The following LHFPL6 variants were observed in gnomAD, a reference collection of about 807,000 sequenced individuals.
LHFPL6 encodes LHFPL tetraspan subfamily member 6, also known as LHFPL tetraspan subfamily member 6 protein.
Under a neutral mutation model 20.6 loss-of-function variants are expected in LHFPL6, and 9 were observed. The observed-to-expected ratio is 0.44, with a 90% confidence interval of 0.26 to 0.76. The LOEUF (loss-of-function observed/expected upper bound fraction) is 0.76, where lower values mean the gene tolerates loss of function less well. Among genes scored for constraint, LHFPL6 ranks in the 30% least tolerant of loss-of-function variants. LHFPL6 has a pLI of 0.20. For synonymous variants in LHFPL6, 105 were observed against 98.7 expected (o/e 1.06, Z -0.38); for missense variants, 218 against 253.5 (o/e 0.86, Z 0.95).
Position 39,519,217 on chromosome 13 carries a change from C to A in LHFPL6, c.385+81615G>T, listed in dbSNP as rs1339858300. On this transcript the variant is annotated intron_variant, in intron 2 of 3. Transcript: ENST00000379589. The stretch of plus-strand genomic sequence containing the variant: ...GGCCACTGCACTCCAGCCTGGGTGA[C>A]AAGAGCAAAACTCTGTCTCAAAAAA... Among the ~76,000 whole-genome samples, 3 of 148,662 alleles carry A rather than the reference C, an allele frequency of 2.0e-5. No homozygotes were observed. The East Asian group carries it at 5.9e-4, about 29-fold the overall frequency.
chr13:39,518,733 A>T (rs930961073), intron 2 of LHFPL6, among the ~76,000 whole-genome samples: 3 of 152,124 alleles, frequency 2.0e-5, no homozygotes, highest in Non-Finnish European at 4.4e-5. Context: ...CTTCTGAAAA[A>T]TGCAGACACT....
chr13:39,413,213 G>GA (rs1871273508), intron 2 of LHFPL6, among the ~76,000 whole-genome samples: 1 of 152,076 alleles, frequency 6.6e-6, no homozygotes, highest in African/African-American at 2.4e-5. Context: ...TTTAACGAAG[G>GA]AAAAATAGCA....
intron 2 of LHFPL6, among the ~76,000 whole-genome samples, chr13:39,410,654 C>T (rs73173499): frequency 0.09 from 13,674 of 152,238 alleles, 816 homozygotes; most frequent in South Asian, 0.22. Flanking sequence ...AGATATTTCT[C>T]ATGTTCTGGA....
rs1316182293 is a variant in LHFPL6, at chr13:39,422,052, G to C, written c.386-43526C>G. ...ATTACTAATGATTAAGTCTTCAGGA[G>C]ATGATCATATCTCATGCCCTTTTTA... is the stretch of plus-strand genomic sequence containing the variant. On this transcript the variant is annotated intron_variant, in intron 2 of 3. Transcript: ENST00000379589. Among the ~76,000 whole-genome samples, 3 of 152,164 alleles carry C rather than the reference G, an allele frequency of 2.0e-5. 1 individual carries two copies. The highest frequency in any genetic ancestry group is 4.4e-5 in the Non-Finnish European group (3 of 68,036).
At chr13:39,400,976 T>C (rs994416759) in intron 2 of LHFPL6, among the ~76,000 whole-genome samples, 5 of 152,126 alleles carry the variant, frequency 3.3e-5, no homozygotes, top group African/African-American at 9.7e-5. Context: ...AGAAGTATTA[T>C]AGAAAATTAT....
In LHFPL6 at chr13:39,349,709, G is replaced by A. The variant is rs183691774; in HGVS notation, c.485-5655C>T. 1.2e-4 allele frequency among the ~76,000 whole-genome samples: 18 copies of A among 152,326 alleles called. No individual in the cohort carries two copies. The South Asian group carries it at 1.7e-3, about 14-fold the overall frequency. On this transcript the variant is annotated intron_variant, in intron 3 of 3. Transcript: ENST00000379589. ...ATATTGCAAGTGATCTACGTAGTGC[G>A]GTCAGGTCAGTGAAAGAGAGCCTTA...
intron 3 of LHFPL6, among the ~76,000 whole-genome samples, chr13:39,372,795 C>A (rs1324913524): frequency 1.3e-5 from 2 of 152,132 alleles, no homozygotes; most frequent in African/African-American, 4.8e-5. Context: ...TTATGAAATC[C>A]TTCTTGCCTA....
chr13:39,561,567 A>T (rs1037708937), intron 2 of LHFPL6, among the ~76,000 whole-genome samples: 1 of 152,034 alleles, frequency 6.6e-6, no homozygotes, highest in Non-Finnish European at 1.5e-5. Context: ...GGCTCAAGTG[A>T]TCCTCCTGCC....
intron 3 of LHFPL6, among the ~76,000 whole-genome samples, chr13:39,376,952 G>A (rs1870307409): frequency 6.6e-6 from 1 of 152,082 alleles, no homozygotes. Context: ...TTCCCCTGCT[G>A]CTCTTCTCTC....
At chr13:39,464,265 G>A (rs1872749492) in intron 2 of LHFPL6, among the ~76,000 whole-genome samples, 1 of 152,056 alleles carries the variant, frequency 6.6e-6, no homozygotes, top group Non-Finnish European at 1.5e-5. Flanking sequence ...GATATTTGGG[G>A]GCCAATTAAA....
At chr13:39,357,799 G>A (rs1869765720) in intron 3 of LHFPL6, among the ~76,000 whole-genome samples, 3 of 151,906 alleles carry the variant, frequency 2.0e-5, no homozygotes, top group Admixed American at 1.3e-4. Context: ...AGAAGTGAAA[G>A]ATTTCTACAA....
rs758624379 is a variant in LHFPL6, at chr13:39,600,949, C to T, written c.268G>A (p.Gly90Ser). The T allele has an allele frequency of 1.9e-6, 3 of 1,608,718 alleles. No homozygotes were observed. Among genetic ancestry groups the T allele is most frequent in the East Asian group, 2.2e-5 (1 of 44,788 alleles). ...AGGAGGAGGAGGCCACAACCCAGGC[C>T]GGTCACTATGGTGCAGATCCTCCAT... ...AEWRICTIVTGLGCGLLLLVA... is the reference protein window; with the variant it reads ...AEWRICTIVTSLGCGLLLLVA... The change falls in exon 2 of 4, where the codon GGC becomes AGC. Residue 90 changes from glycine (G) to serine (S), a missense_variant. Coordinates refer to ENST00000379589, the MANE Select transcript of LHFPL6 (RefSeq NM_005780.3).
intron 2 of LHFPL6, among the ~76,000 whole-genome samples, chr13:39,486,478 G>A (rs147682613): frequency 5.8e-4 from 89 of 152,204 alleles, no homozygotes; most frequent in African/African-American, 1.8e-3. Flanking sequence ...CCTATCCCAG[G>A]GAGCCCCACA....
intron 2 of LHFPL6, among the ~76,000 whole-genome samples, chr13:39,394,129 GGGGT>G (rs1164338930): frequency 1.3e-5 from 2 of 152,044 alleles, no homozygotes; most frequent in African/African-American, 4.8e-5. Context: ...TTGTAGAGAT[GGGGT>G]CTTGCTAAGT....
chr13:39,358,768 C>T (rs149972120), intron 3 of LHFPL6, among the ~76,000 whole-genome samples: 105 of 152,154 alleles, frequency 6.9e-4, no homozygotes, highest in African/African-American at 2.2e-3. Context: ...GATATACAAG[C>T]GGCCAACAAA....
intron 2 of LHFPL6, among the ~76,000 whole-genome samples, chr13:39,508,222 A>T (rs1012686900): frequency 3.3e-5 from 5 of 152,004 alleles, no homozygotes; most frequent in Admixed American, 2.0e-4. Context: ...GTGGGGTTTC[A>T]CCATGTTGGC....
At chr13:39,346,955 C>T (rs1869416920) in intron 3 of LHFPL6, among the ~76,000 whole-genome samples, 2 of 152,072 alleles carry the variant, frequency 1.3e-5, no homozygotes, top group South Asian at 4.2e-4. Flanking sequence ...ACATCAAGCA[C>T]ACAGAGCAAA....
intron 3 of LHFPL6, 75 bp downstream of exon 3, chr13:39,378,353 T>C: frequency 8.0e-7 from 1 of 1,246,440 alleles, no homozygotes; most frequent in Non-Finnish European, 1.2e-6. Context: ...CTGTCCCCTT[T>C]CCACTTTCTG....
chr13:39,549,695 C>T (rs1871091821), intron 2 of LHFPL6, among the ~76,000 whole-genome samples: 1 of 151,992 alleles, frequency 6.6e-6, no homozygotes, highest in Non-Finnish European at 1.5e-5. Context: ...CTTAAGTTCA[C>T]CCGAATCTTT....
Sources: gnomAD v4.1 joint callset for allele counts (sites outside exome capture counted in the v4.1 genomes callset) on GRCh38, gnomAD v4.1.1 for gene constraint, MANE v1.5 for transcripts, NCBI Gene and HGNC (gene_info 2026-07-23, HGNC 2026-07-21) for gene names.